The following PTPN6 variants were observed in gnomAD, a reference collection of about 807,000 sequenced individuals.
PTPN6 encodes protein tyrosine phosphatase non-receptor type 6, also known as tyrosine-protein phosphatase non-receptor type 6.
In PTPN6, 18 loss-of-function variants were observed where a neutral mutation model predicts 81.5. The observed-to-expected ratio is 0.22, with a 90% confidence interval of 0.15 to 0.33. The LOEUF (loss-of-function observed/expected upper bound fraction) is 0.33, where lower values mean the gene tolerates loss of function less well. Among genes scored for constraint, PTPN6 ranks in the 10% least tolerant of loss-of-function variants. The pLI is 1.00. For synonymous variants in PTPN6, 301 were observed against 310.9 expected (o/e 0.97, Z 0.33); for missense variants, 500 against 794.2 (o/e 0.63, Z 4.45).
At position 6,951,442 on chromosome 12, in the gene PTPN6, G is replaced by C. The variant is rs782718444; in HGVS notation, c.-71G>C. 1 of 1,603,494 alleles carries C rather than the reference G, an allele frequency of 6.2e-7. No homozygotes were observed. Among genetic ancestry groups the C allele is most frequent in the African/African-American group, 1.3e-5 (1 of 74,618 alleles). ...GCTGCATCTGAGGCTTAGTCCCTGA[G>C]CTCTCTGCCTGCCCAGACTAGCTGC... On this transcript the variant is annotated 5_prime_UTR_variant, in exon 1 of 16. Transcript: ENST00000318974. This position sits in a 1 kb window ranked among gnomAD's most constrained non-coding sequence, Gnocchi z 7.2.
chr12:6,946,882 C>A (rs1410871230), upstream of PTPN6: 1 of 921,280 alleles, frequency 1.1e-6, no homozygotes, highest in East Asian at 2.6e-5. Flanking sequence ...TATGAACTTC[C>A]CCTTCCCGCA....
At position 6,952,576 on chromosome 12, in the gene PTPN6, T is replaced by C; in HGVS notation, c.326+399T>C. 1 of 318,696 alleles carries C rather than the reference T, an allele frequency of 3.1e-6. No individual in the cohort carries two copies. Among genetic ancestry groups the C allele is most frequent in the Non-Finnish European group, 6.1e-6 (1 of 162,992 alleles). The allele number at this position is 318,696 out of a possible 1,614,324, so 19.7% of individuals were successfully genotyped here. On this transcript the variant is annotated intron_variant, in intron 3 of 15. Coordinates refer to ENST00000318974, the MANE Select transcript of PTPN6 (RefSeq NM_002831.6). This position sits in a 1 kb window ranked among gnomAD's most constrained non-coding sequence, Gnocchi z 8.1. ...TCCGTCTGCCCCTCACCCCAGCACA[T>C]GTTAGGACAGTGAGGAGCTGACACT...
rs1286297266 is a variant in PTPN6, at chr12:6,955,298, T to A, written c.633+31T>A. The A allele has an allele frequency of 6.2e-7, 1 of 1,610,902 alleles. No individual in the cohort carries two copies. The highest frequency in any genetic ancestry group is 1.3e-5 in the African/African-American group (1 of 74,822). On this transcript the variant is annotated intron_variant, in intron 5 of 15. Coordinates refer to ENST00000318974, the MANE Select transcript of PTPN6 (RefSeq NM_002831.6). The surrounding 1 kb of genome is among the most constrained non-coding windows in gnomAD (Gnocchi z 7.2). ...GGGTGGGCCCAGCTGCCTCCCCACT[T>A]CCCCTGAGCTGTCCCCCAGATGTGA...
In PTPN6 at chr12:6,956,291, A is replaced by C; in HGVS notation, c.924+70A>C. 1 of 1,609,150 alleles carries C rather than the reference A, an allele frequency of 6.2e-7. No individual in the cohort carries two copies. The highest frequency in any genetic ancestry group is 1.1e-5 in the South Asian group (1 of 90,976). On this transcript the variant is annotated intron_variant, in intron 8 of 15. Transcript: ENST00000318974. This position sits in a 1 kb window ranked among gnomAD's most constrained non-coding sequence, Gnocchi z 4.1. ...ATTCCCTGTCTGGTGGGGGGACCCT[A>C]GATCCAGAGACAGCTGGGCAAAGCC...
chr12:6,961,050 C>T lies in PTPN6; in HGVS notation c.*26-76C>T, dbSNP rs782243053. The T allele has an allele frequency of 1.9e-4, 290 of 1,502,056 alleles. 1 individual carries two copies. Among genetic ancestry groups the T allele is most frequent in the Middle Eastern group, 1.8e-3 (8 of 4,456 alleles). The allele number at this position is 1,502,056 out of a possible 1,614,324, so 93.0% of individuals were successfully genotyped here. A position where few individuals can be genotyped will look rare whatever the true frequency, so the allele number is the denominator to read the frequency against. On this transcript the variant is annotated intron_variant, in intron 15 of 15. Coordinates refer to ENST00000318974, the MANE Select transcript of PTPN6 (RefSeq NM_002831.6). Reference sequence around the variant, plus strand: ...GGCCGCAGCCTCATTCTGTGCTTCCCAGCTGCCCCAGACCCTCTTGTTCCA... The same window carrying T: ...GGCCGCAGCCTCATTCTGTGCTTCCTAGCTGCCCCAGACCCTCTTGTTCCA...
Position 6,960,945 on chromosome 12 carries a change from G to T in PTPN6, c.*25G>T. ...AGCGGTGCTGTCCTCAGGTGGCCAT[G>T]GTACAGCTCTTCTGCCTGGGTGTCC... On this transcript the variant is annotated splice_region_variant and 3_prime_UTR_variant, in exon 15 of 16. Coordinates refer to ENST00000318974, the MANE Select transcript of PTPN6 (RefSeq NM_002831.6). This position sits in a 1 kb window ranked among gnomAD's most constrained non-coding sequence, Gnocchi z 6.1. The T allele has an allele frequency of 6.4e-6, 10 of 1,556,040 alleles. No homozygotes were observed. Among genetic ancestry groups the T allele is most frequent in the Non-Finnish European group, 7.8e-6 (9 of 1,149,808 alleles).
At chr12:6,946,908 C>A (rs74789997), upstream of PTPN6, among the ~76,000 whole-genome samples, 6,822 of 152,218 alleles carry the variant, frequency 0.045, 461 homozygotes, top group African/African-American at 0.15. Context: ...TGAGGACCCC[C>A]GGCTCACTCA....
Position 6,959,044 on chromosome 12 carries a change from G to C in PTPN6, c.1362-883G>C, listed in dbSNP as rs1946081544. Among the ~76,000 whole-genome samples, 1 of 152,226 alleles carries C rather than the reference G, an allele frequency of 6.6e-6. No individual in the cohort carries two copies. The highest frequency in any genetic ancestry group is 1.5e-5 in the Non-Finnish European group (1 of 68,044). On this transcript the variant is annotated intron_variant, in intron 11 of 15. Transcript: ENST00000318974. The surrounding 1 kb of genome is among the most constrained non-coding windows in gnomAD (Gnocchi z 6.6). ...CACTCCCTCCGTGGACCCCAGGCCT[G>C]CGACGGCCTCTGGCTTCCTCCTCTT...
At position 6,959,608 on chromosome 12, in the gene PTPN6, G is replaced by A; in HGVS notation, c.1362-319G>A. Reference sequence around the variant, plus strand: ...ACCTGGGAGCCGGCAGGACAGTGGTGGGATTTGGGGGTCCCAGGTCTTCCG... The same window carrying A: ...ACCTGGGAGCCGGCAGGACAGTGGTAGGATTTGGGGGTCCCAGGTCTTCCG... On this transcript the variant is annotated intron_variant, in intron 11 of 15. Coordinates refer to ENST00000318974, the MANE Select transcript of PTPN6 (RefSeq NM_002831.6). This position sits in a 1 kb window ranked among gnomAD's most constrained non-coding sequence, Gnocchi z 6.6. 1 of 534,500 alleles carries A rather than the reference G, an allele frequency of 1.9e-6. No homozygotes were observed. The highest frequency in any genetic ancestry group is 2.1e-5 in the South Asian group (1 of 48,142). 33.1% of individuals were successfully genotyped at this position (534,500 alleles called of 1,614,324 possible).
At position 6,956,026 on chromosome 12, in the gene PTPN6, G is replaced by A. The variant is rs901711147; in HGVS notation, c.845-116G>A. On this transcript the variant is annotated intron_variant, in intron 7 of 15. Transcript: ENST00000318974. This position sits in a 1 kb window ranked among gnomAD's most constrained non-coding sequence, Gnocchi z 4.1. Reference sequence around the variant, plus strand: ...CCACCCCTGCTGCCCACAGTCCCCCGCAAGCCTCATGGCTTCTGAGACCAG... The same window carrying A: ...CCACCCCTGCTGCCCACAGTCCCCCACAAGCCTCATGGCTTCTGAGACCAG... 3.2e-4 allele frequency: 345 copies of A among 1,077,328 alleles called. 3 individuals carry two copies. Among genetic ancestry groups the A allele is most frequent in the South Asian group, 1.8e-4 (14 of 76,750 alleles). 66.7% of individuals were successfully genotyped at this position (1,077,328 alleles called of 1,614,324 possible). A position where few individuals can be genotyped will look rare whatever the true frequency, so the allele number is the denominator to read the frequency against.
Position 6,955,576 on chromosome 12 carries a change from T to C in PTPN6, c.748-84T>C. 6.4e-7 allele frequency: 1 copy of C among 1,559,744 alleles called. No individual in the cohort carries two copies. Among genetic ancestry groups the C allele is most frequent in the Admixed American group, 1.7e-5 (1 of 59,788 alleles). The stretch of plus-strand genomic sequence containing the variant: ...GGACACCTTCCCCTCCTTGCCCACC[T>C]CTGCTCCTGACCCACCCCACGTGAG... On this transcript the variant is annotated intron_variant, in intron 6 of 15. Transcript: ENST00000318974. The surrounding 1 kb of genome is among the most constrained non-coding windows in gnomAD (Gnocchi z 7.2).
chr12:6,957,955 C>G lies in PTPN6; in HGVS notation c.1243C>G (p.Leu415Val). 6.2e-7 allele frequency: 1 copy of G among 1,613,960 alleles called. No individual in the cohort carries two copies. Among genetic ancestry groups the G allele is most frequent in the Non-Finnish European group, 8.5e-7 (1 of 1,180,046 alleles). ...LIREIWHYQY[L>V]SWPDHGVPSE... is the part of the protein sequence containing the mutation. ...TCGGGAGATCTGGCATTACCAGTAC[C>G]TGAGCTGGCCCGACCATGGGGTCCC... is the stretch of plus-strand genomic sequence containing the variant. Residue 415 changes from leucine (L) to valine (V), a missense_variant, in exon 11 of 16, where the codon CTG becomes GTG. This residue lies in a region of PTPN6 where 226 missense variants were observed against 364.4 expected (regional missense o/e 0.62). Coordinates refer to ENST00000318974, the MANE Select transcript of PTPN6 (RefSeq NM_002831.6). The surrounding 1 kb of genome is among the most constrained non-coding windows in gnomAD (Gnocchi z 6.5).
chr12:6,960,652 C>T lies in PTPN6; in HGVS notation c.1674-154C>T. The T allele has an allele frequency of 1.3e-6, 2 of 1,548,424 alleles. No individual in the cohort carries two copies. Among genetic ancestry groups the T allele is most frequent in the Non-Finnish European group, 8.7e-7 (1 of 1,144,294 alleles). On this transcript the variant is annotated intron_variant, in intron 14 of 15. Transcript: ENST00000318974. This position sits in a 1 kb window ranked among gnomAD's most constrained non-coding sequence, Gnocchi z 6.1. ...CGCACTCGTGTATGAGATGTAGCCT[C>T]TGTCCTCTAGGAGCTTGGAGTCTAG...
At chr12:6,958,136 G>T in intron 11 of PTPN6, 63 bp downstream of exon 11, 2 of 1,588,524 alleles carry the variant, frequency 1.3e-6, no homozygotes, top group South Asian at 1.1e-5. Context: ...TAAGTGCCAT[G>T]AGCTGTTATA....
At chr12:6,949,294 C>A (rs1283136385), upstream of PTPN6, among the ~76,000 whole-genome samples, 1 of 152,232 alleles carries the variant, frequency 6.6e-6, no homozygotes, top group Non-Finnish European at 1.5e-5. Context: ...CACGGCCAGG[C>A]ACTGCCCATG....
rs1945998811 is a variant in PTPN6 at position 6,954,950 on chromosome 12, C to A, written c.472C>A (p.Pro158Thr). 2 of 1,614,004 alleles carry A rather than the reference C, an allele frequency of 1.2e-6. No individual in the cohort carries two copies. Among genetic ancestry groups the A allele is most frequent in the Non-Finnish European group, 1.7e-6 (2 of 1,180,036 alleles). Residue 158 changes from proline (P) to threonine (T), a missense_variant, in exon 4 of 16, where the codon CCA becomes ACA. Transcript: ENST00000318974. This position sits in a 1 kb window ranked among gnomAD's most constrained non-coding sequence, Gnocchi z 5.4. ...GCTCAGTGACCAGCCCAAGGCTGGC[C>A]CAGGCTCCCCGCTCAGGGTCACCCA... ...SVLSDQPKAG[P>T]GSPLRVTHIK...
At chr12:6,961,029 G>A (rs1478333737) in intron 15 of PTPN6, 84 bp downstream of exon 15, 8 of 1,534,950 alleles carry the variant, frequency 5.2e-6, no homozygotes, top group East Asian at 4.9e-5. Context: ...TGGGGTGGCC[G>A]CAGCCTCATT....
At chr12:6,951,150 C>A, upstream of PTPN6, 1 of 1,089,430 alleles carries the variant, frequency 9.2e-7, no homozygotes, top group Non-Finnish European at 1.2e-6. This position sits in a 1 kb window ranked among gnomAD's most constrained non-coding sequence, Gnocchi z 7.2. Flanking sequence ...TGTGTCCTTA[C>A]TGCATGTGTT....
rs35119590 is a variant in PTPN6 at position 6,960,259 on chromosome 12, T to TGG, written c.1581+33_1581+34dup. 407 of 1,145,908 alleles carry TGG rather than the reference T, an allele frequency of 3.6e-4. No homozygotes were observed. The African/African-American group carries it at 4.0e-3, about 11-fold the overall frequency. 71.0% of individuals were successfully genotyped at this position (1,145,908 alleles called of 1,614,324 possible). ...CTGCAGGTGCGTGCAGAGCAGGGCC[T>TGG]GGGGGGGGGGGGGGCTGCAGTGCAG... On this transcript the variant is annotated intron_variant, in intron 13 of 15. Transcript: ENST00000318974. This position sits in a 1 kb window ranked among gnomAD's most constrained non-coding sequence, Gnocchi z 6.1.
Sources: gnomAD v4.1 joint callset for allele counts (sites outside exome capture counted in the v4.1 genomes callset) on GRCh38, gnomAD v4.1.1 for gene constraint, gnomAD v4.1.1 regional missense constraint, Gnocchi (gnomAD v3.1) non-coding constraint, MANE v1.5 for transcripts, NCBI Gene and HGNC (gene_info 2026-07-23, HGNC 2026-07-21) for gene names.